The following JMJD1C variants were observed in gnomAD, a reference collection of about 807,000 sequenced individuals.
JMJD1C encodes the protein jumonji domain-containing protein 1C.
JMJD1C carries 31 observed loss-of-function variants against 245.3 expected under a neutral mutation model. The ratio of observed to expected loss-of-function variants is 0.13; its 90% CI spans 0.09 to 0.17. JMJD1C has a LOEUF of 0.17. JMJD1C is among the 10% of genes least tolerant of loss of function. The pLI is 1.00. For missense variants in JMJD1C, 2,691 were observed against 3,000.2 expected, an observed-to-expected ratio of 0.90 and a Z score of 2.41; for synonymous variants, 1,057 against 1,017.4, an observed-to-expected ratio of 1.04 and a Z score of -0.74.
intron 2 of JMJD1C, among the ~76,000 whole-genome samples, chr10:63,320,864 GC>G (rs1940766809): frequency 6.6e-6 from 1 of 152,126 alleles, no homozygotes; most frequent in Non-Finnish European, 1.5e-5. Context: ...CTTCTAGATA[GC>G]CCCAGGATGG....
intron 2 of JMJD1C, among the ~76,000 whole-genome samples, chr10:63,290,074 A>T (rs1858461102): frequency 6.6e-6 from 1 of 152,106 alleles, no homozygotes; most frequent in Non-Finnish European, 1.5e-5. Flanking sequence ...TATAAATTAC[A>T]TGACTGTTTT....
Position 63,244,758 on chromosome 10 carries a change from C to T in JMJD1C, c.447+19893G>A, listed in dbSNP as rs560720760. 8.2e-5 allele frequency among the ~76,000 whole-genome samples: 12 copies of T among 146,470 alleles called. No individual in the cohort carries two copies. In the East Asian group the frequency reaches 1.6e-3, roughly 20 times the overall value. ...CTGAGGCTGCAGTGAGCTACAATCA[C>T]GCCACTGCATTCCACATCACCCTGG... On this transcript the variant is annotated intron_variant, in intron 3 of 25. Coordinates refer to ENST00000399262, the MANE Select transcript of JMJD1C (RefSeq NM_032776.3).
At chr10:63,305,581 C>T (rs149200234) in intron 2 of JMJD1C, among the ~76,000 whole-genome samples, 1,870 of 146,922 alleles carry the variant, frequency 0.013, 50 homozygotes, top group African/African-American at 0.045. Flanking sequence ...GATCCTCCTA[C>T]ATCAGCCCCC....
chr10:63,305,512 CCTCTCT>C (rs71025151), intron 2 of JMJD1C, among the ~76,000 whole-genome samples: 7 of 130,598 alleles, frequency 5.4e-5, no homozygotes, highest in Non-Finnish European at 4.8e-5. Context: ...AAGGTCTGAC[CCTCTCT>C]CTCTCTCTCT....
intron 1 of JMJD1C, among the ~76,000 whole-genome samples, chr10:63,450,610 T>G (rs568460573): frequency 6.6e-6 from 1 of 152,314 alleles, no homozygotes; most frequent in East Asian, 1.9e-4. Flanking sequence ...AGATAAAGCA[T>G]GTGACAAAGT....
intron 22 of JMJD1C, among the ~76,000 whole-genome samples, chr10:63,181,786 A>C (rs1355789231): frequency 2.6e-5 from 4 of 152,220 alleles, no homozygotes; most frequent in Non-Finnish European, 4.4e-5. Flanking sequence ...TAAGTGCTAC[A>C]GGGAAAGATC....
chr10:63,203,973 T>C (rs757433133), intron 10 of JMJD1C: 20 of 983,870 alleles, frequency 2.0e-5, no homozygotes, highest in Admixed American at 1.8e-4. Context: ...CCCTGACTTA[T>C]GAAAACTCCC....
intron 1 of JMJD1C, chr10:63,521,614 G>A: frequency 7.3e-7 from 1 of 1,377,484 alleles, no homozygotes; most frequent in East Asian, 3.2e-5. Flanking sequence ...GCCGGCGCGA[G>A]GCCCAGGGGA....
chr10:63,273,528 C>CTA (rs1856520966), intron 2 of JMJD1C, among the ~76,000 whole-genome samples: 1 of 152,182 alleles, frequency 6.6e-6, no homozygotes, highest in Non-Finnish European at 1.5e-5. Flanking sequence ...TCTTATAACT[C>CTA]ATTAGAGAAT....
chr10:63,266,278 T>C (rs1855561127), intron 2 of JMJD1C, among the ~76,000 whole-genome samples: 1 of 152,136 alleles, frequency 6.6e-6, no homozygotes. Context: ...AAATTACTAT[T>C]ATTTGGGTGA....
intron 1 of JMJD1C, among the ~76,000 whole-genome samples, chr10:63,461,716 CCAGA>C (rs1374840886): frequency 6.6e-6 from 1 of 151,954 alleles, no homozygotes; most frequent in Non-Finnish European, 1.5e-5. Context: ...ATTGAAAAAA[CCAGA>C]CATATTTTAT....
intron 2 of JMJD1C, among the ~76,000 whole-genome samples, chr10:63,295,093 G>C (rs1351305581): frequency 5.3e-5 from 8 of 151,966 alleles, no homozygotes; most frequent in Admixed American, 5.2e-4. Flanking sequence ...ATAGCATTTA[G>C]ATTTTTTGTT....
intron 3 of JMJD1C, among the ~76,000 whole-genome samples, chr10:63,225,078 A>G (rs71508958): frequency 6.6e-6 from 1 of 152,144 alleles, no homozygotes; most frequent in Non-Finnish European, 1.5e-5. Flanking sequence ...AAAGAAAAAA[A>G]TCCACTTAAT....
At chr10:63,256,760 A>C (rs899168930) in intron 3 of JMJD1C, among the ~76,000 whole-genome samples, 1 of 152,240 alleles carries the variant, frequency 6.6e-6, no homozygotes, top group African/African-American at 2.4e-5. Flanking sequence ...CTTTTGGCAC[A>C]GTATATATGC....
chr10:63,465,384 G>A (rs1439799010), intron 1 of JMJD1C, 111 bp downstream of exon 1: 1 of 1,148,552 alleles, frequency 8.7e-7, no homozygotes, highest in South Asian at 1.6e-5. Flanking sequence ...AGAGGGGCGT[G>A]ACCGCCAGTT....
At chr10:63,198,275 T>C (rs957210842) in intron 12 of JMJD1C, among the ~76,000 whole-genome samples, 1 of 152,206 alleles carries the variant, frequency 6.6e-6, no homozygotes, top group Non-Finnish European at 1.5e-5. Flanking sequence ...CACATTAACT[T>C]AATGTTGTAA....
chr10:63,397,087 C>T (rs1948549373), intron 1 of JMJD1C, among the ~76,000 whole-genome samples: 1 of 152,004 alleles, frequency 6.6e-6, no homozygotes, highest in Non-Finnish European at 1.5e-5. Context: ...TGAATTTTTC[C>T]TATCAAACCC....
At chr10:63,283,423 A>G (rs1008124804) in intron 2 of JMJD1C, among the ~76,000 whole-genome samples, 3 of 148,874 alleles carry the variant, frequency 2.0e-5, no homozygotes, top group Non-Finnish European at 4.4e-5. Flanking sequence ...CTGGAGTGCA[A>G]TGGCATGATC....
chr10:63,197,159 T>C (rs950667092), intron 13 of JMJD1C, among the ~76,000 whole-genome samples: 9 of 152,072 alleles, frequency 5.9e-5, no homozygotes, highest in Non-Finnish European at 1.3e-4. Flanking sequence ...TTGGGCTACA[T>C]TAAGGAACTA....
Sources: gnomAD v4.1 joint callset for allele counts (sites outside exome capture counted in the v4.1 genomes callset) on GRCh38, gnomAD v4.1.1 for gene constraint, MANE v1.5 for transcripts, NCBI Gene and HGNC (gene_info 2026-07-23, HGNC 2026-07-21) for gene names.